The following DPYD variants were observed in gnomAD, a reference collection of about 807,000 sequenced individuals.
DPYD encodes dihydropyrimidine dehydrogenase [NADP(+)].
DPYD carries 109 observed loss-of-function variants against 116.2 expected under a neutral mutation model. The observed-to-expected ratio is 0.94, with a 90% CI of 0.80 to 1.10. The LOEUF (loss-of-function observed/expected upper bound fraction) is 1.10. Ranked by LOEUF, DPYD falls within the 50% of genes least tolerant of loss-of-function variation. The pLI, the probability that DPYD is intolerant of heterozygous loss-of-function variation, is 0.00. For synonymous variants in DPYD, 440 were observed against 432.0 expected (o/e 1.02, Z -0.23); for missense variants, 1,302 against 1,254.5 (o/e 1.04, Z -0.57).
At chr1:97,260,337 C>A (rs1225608992) in intron 18 of DPYD, among the ~76,000 whole-genome samples, 1 of 151,892 alleles carries the variant, frequency 6.6e-6, no homozygotes, top group Non-Finnish European at 1.5e-5. Context: ...TTTAAGATTT[C>A]TGTATCTTTT....
At chr1:97,572,737 CATTT>C (rs972471476) in intron 11 of DPYD, among the ~76,000 whole-genome samples, 31 of 152,132 alleles carry the variant, frequency 2.0e-4, no homozygotes, top group African/African-American at 7.2e-4. Context: ...TATTTGAAAA[CATTT>C]ATCTCGATGA....
At chr1:97,721,459 T>C (rs764851506) in intron 5 of DPYD, 51 bp downstream of exon 5, 1 of 1,603,064 alleles carries the variant, frequency 6.2e-7, no homozygotes, top group African/African-American at 1.3e-5. Context: ...TTTTAAGATA[T>C]TTGTGCATGG....
At chr1:97,270,603 A>T (rs1664515522) in intron 18 of DPYD, among the ~76,000 whole-genome samples, 1 of 152,166 alleles carries the variant, frequency 6.6e-6, no homozygotes, top group Non-Finnish European at 1.5e-5. Context: ...TTGCTACATA[A>T]GGTAGAGTTT....
At chr1:97,670,893 C>T (rs1659826554) in intron 8 of DPYD, among the ~76,000 whole-genome samples, 1 of 152,068 alleles carries the variant, frequency 6.6e-6, no homozygotes, top group South Asian at 2.1e-4. Context: ...AACTGTTTTA[C>T]TTCTCTAATT....
intron 20 of DPYD, among the ~76,000 whole-genome samples, chr1:97,103,052 A>G (rs1570459611): frequency 1.3e-5 from 2 of 152,032 alleles, no homozygotes; most frequent in Non-Finnish European, 2.9e-5. Flanking sequence ...GGGTTCTCTG[A>G]GTCTGTTTCA....
intron 16 of DPYD, among the ~76,000 whole-genome samples, chr1:97,327,741 T>A (rs950461786): frequency 1.3e-5 from 2 of 152,066 alleles, no homozygotes; most frequent in African/African-American, 4.8e-5. Flanking sequence ...ATCATATAGA[T>A]ACACCCTATT....
In DPYD at chr1:97,078,554, T is replaced by C. The variant is rs569248743; in HGVS notation, c.*422A>G. Reference sequence around the variant, plus strand: ...AGGTAATTTTTAATGATAAAATGTTTCCTTGGATACATTTTCTTGTATGTT... The same window carrying C: ...AGGTAATTTTTAATGATAAAATGTTCCCTTGGATACATTTTCTTGTATGTT... On this transcript the variant is annotated 3_prime_UTR_variant, in exon 23 of 23. Coordinates refer to ENST00000370192, the MANE Select transcript of DPYD (RefSeq NM_000110.4). 5 of 194,876 alleles carry C rather than the reference T, an allele frequency of 2.6e-5. No individual in the cohort carries two copies. The highest frequency in any genetic ancestry group is 1.6e-4 in the Admixed American group (3 of 18,620). 12.1% of individuals were successfully genotyped at this position (194,876 alleles called of 1,614,324 possible).
chr1:97,155,057 A>T (rs1351504239), intron 20 of DPYD, among the ~76,000 whole-genome samples: 1 of 152,190 alleles, frequency 6.6e-6, no homozygotes, highest in Non-Finnish European at 1.5e-5. Context: ...AACTTTTCTC[A>T]AGACCCGGTG....
intron 20 of DPYD, among the ~76,000 whole-genome samples, chr1:97,169,500 A>AT (rs1485134700): frequency 5.4e-5 from 7 of 128,980 alleles, no homozygotes; most frequent in Non-Finnish European, 9.9e-5. Context: ...AATTGATTAG[A>AT]TTTTTTTGAT....
intron 3 of DPYD, among the ~76,000 whole-genome samples, chr1:97,756,329 T>C (rs775476544): frequency 3.7e-4 from 57 of 152,126 alleles, no homozygotes; most frequent in Admixed American, 3.3e-4. Flanking sequence ...TGGCAATCAT[T>C]ATCTTATAGC....
At chr1:97,374,793 A>C (rs1369782504) in intron 15 of DPYD, among the ~76,000 whole-genome samples, 1 of 149,720 alleles carries the variant, frequency 6.7e-6, no homozygotes, top group Non-Finnish European at 1.5e-5. Flanking sequence ...CTGTAATCCT[A>C]GCACGGTGGG....
At chr1:97,674,958 T>C (rs903040844) in intron 8 of DPYD, among the ~76,000 whole-genome samples, 1 of 152,204 alleles carries the variant, frequency 6.6e-6, no homozygotes, top group African/African-American at 2.4e-5. Context: ...TTACATTGTA[T>C]AGCATTGGCT....
At chr1:97,336,167 C>T (rs1669273538) in intron 16 of DPYD, among the ~76,000 whole-genome samples, 2 of 152,160 alleles carry the variant, frequency 1.3e-5, no homozygotes, top group South Asian at 4.1e-4. Flanking sequence ...AACACCATGG[C>T]ACAATAATAG....
In DPYD at chr1:97,721,606, T is replaced by C; in HGVS notation, c.387A>G (p.Val129=). ...DNPLGLTCGM[V]CPTSDLCVGG... is the part of the protein sequence containing the mutation. ...CTACACAAAGATCAGAGGTTGGACA[T>C]ACCATTCCACAAGTCAGACCAAGTG... The change falls in exon 5 of 23, where the codon GTA becomes GTG. Residue 129 remains valine, a synonymous_variant. Coordinates refer to ENST00000370192, the MANE Select transcript of DPYD (RefSeq NM_000110.4). The C allele has an allele frequency of 6.2e-7, 1 of 1,611,884 alleles. No homozygotes were observed. The highest frequency in any genetic ancestry group is 8.5e-7 in the Non-Finnish European group (1 of 1,178,488).
intron 18 of DPYD, among the ~76,000 whole-genome samples, 156 bp from the exon 19 acceptor site, chr1:97,235,150 AATGT>A (rs1661827188): frequency 1.3e-5 from 2 of 152,346 alleles, no homozygotes; most frequent in South Asian, 4.1e-4. Flanking sequence ...GTAGTGTATA[AATGT>A]TATGTTTTAA....
intron 18 of DPYD, among the ~76,000 whole-genome samples, chr1:97,258,232 T>C (rs1286535078): frequency 6.6e-6 from 1 of 152,152 alleles, no homozygotes; most frequent in Non-Finnish European, 1.5e-5. Flanking sequence ...GTCAGTTCCA[T>C]GTCAGCTCTG....
chr1:97,602,476 T>C (rs1396695684), intron 8 of DPYD, among the ~76,000 whole-genome samples: 1 of 151,978 alleles, frequency 6.6e-6, no homozygotes, highest in Non-Finnish European at 1.5e-5. Flanking sequence ...GAATTGAATT[T>C]GAGTGGTTGA....
chr1:97,378,432 G>A (rs1029777067), intron 15 of DPYD, among the ~76,000 whole-genome samples: 3 of 152,166 alleles, frequency 2.0e-5, no homozygotes, highest in Non-Finnish European at 4.4e-5. Context: ...TAGTGTTTTA[G>A]TGTTTTATTT....
chr1:97,158,975 G>T (rs1655688815), intron 20 of DPYD, among the ~76,000 whole-genome samples: 1 of 152,082 alleles, frequency 6.6e-6, no homozygotes, highest in Non-Finnish European at 1.5e-5. Context: ...GGGACTCTTA[G>T]GTGTGGAGAG....
Sources: gnomAD v4.1 joint callset for allele counts (sites outside exome capture counted in the v4.1 genomes callset) on GRCh38, gnomAD v4.1.1 for gene constraint, MANE v1.5 for transcripts, NCBI Gene and HGNC (gene_info 2026-07-23, HGNC 2026-07-21) for gene names.